Variants in ANKRD42 observed in about 807,000 individuals in gnomAD.
ANKRD42 encodes ankyrin repeat domain-containing protein 42.
In ANKRD42, 43 loss-of-function variants were observed where a neutral mutation model predicts 51.5. The ratio of observed to expected loss-of-function variants is 0.83; its 90% CI spans 0.65 to 1.08. The LOEUF (loss-of-function observed/expected upper bound fraction) is 1.08, where lower values mean the gene tolerates loss of function less well. Ranked by LOEUF, ANKRD42 falls within the 50% of genes least tolerant of loss-of-function variation. ANKRD42 has a pLI of 0.00. For synonymous variants in ANKRD42, 203 were observed against 213.0 expected (o/e 0.95, Z 0.41); for missense variants, 608 against 629.3 (o/e 0.97, Z 0.36).
chr11:83,221,676 A>G (rs1862721106), intron 5 of ANKRD42, among the ~76,000 whole-genome samples: 1 of 152,034 alleles, frequency 6.6e-6, no homozygotes, highest in Non-Finnish European at 1.5e-5. Flanking sequence ...GCTCATTCCA[A>G]ATTGGGGAGG....
At chr11:83,237,646 C>T (rs1863262271) in intron 8 of ANKRD42, among the ~76,000 whole-genome samples, 1 of 152,158 alleles carries the variant, frequency 6.6e-6, no homozygotes, top group Non-Finnish European at 1.5e-5. Flanking sequence ...TCTTTGATGA[C>T]TTGGAGTGTG....
intron 5 of ANKRD42, among the ~76,000 whole-genome samples, chr11:83,220,693 T>A (rs1395368873): frequency 6.6e-6 from 1 of 152,214 alleles, no homozygotes; most frequent in Non-Finnish European, 1.5e-5. Flanking sequence ...TTCAGCACTT[T>A]GAAAATGTCT....
chr11:83,211,162 A>G (rs1862299319), intron 4 of ANKRD42, 133 bp from the exon 5 acceptor site: 1 of 1,150,992 alleles, frequency 8.7e-7, no homozygotes, highest in Non-Finnish European at 1.3e-6. Flanking sequence ...GTTGCAGTAC[A>G]TTTTTCTATT....
intron 7 of ANKRD42, among the ~76,000 whole-genome samples, chr11:83,230,287 A>C (rs1015432026): frequency 3.9e-5 from 6 of 151,980 alleles, no homozygotes; most frequent in Non-Finnish European, 7.4e-5. Flanking sequence ...TCCTGACTCA[A>C]GTGATCCATC....
At chr11:83,201,299 T>C (rs1861863737) in intron 2 of ANKRD42, among the ~76,000 whole-genome samples, 1 of 152,232 alleles carries the variant, frequency 6.6e-6, no homozygotes, top group East Asian at 1.9e-4. Context: ...GGTTTCCAGC[T>C]TCATCCATGG....
chr11:83,206,591 C>T (rs1306799618), intron 3 of ANKRD42, among the ~76,000 whole-genome samples: 1 of 152,196 alleles, frequency 6.6e-6, no homozygotes, highest in African/African-American at 2.4e-5. Flanking sequence ...CAAGAGACCT[C>T]AGAGAGCTAG....
chr11:83,224,188 ATAAAT>A (rs1468367986), intron 5 of ANKRD42, among the ~76,000 whole-genome samples: 1 of 152,068 alleles, frequency 6.6e-6, no homozygotes, highest in African/African-American at 2.4e-5. Flanking sequence ...AATAAAAAGA[ATAAAT>A]TATTATAGAA....
chr11:83,238,423 C>T (rs1213016299), intron 8 of ANKRD42, among the ~76,000 whole-genome samples: 1 of 152,184 alleles, frequency 6.6e-6, no homozygotes, highest in East Asian at 1.9e-4. Flanking sequence ...GGGCTGGGTG[C>T]AGTGGCTCAC....
chr11:83,219,879 G>T (rs1316177618), intron 5 of ANKRD42, among the ~76,000 whole-genome samples: 2 of 152,218 alleles, frequency 1.3e-5, no homozygotes, highest in Non-Finnish European at 2.9e-5. Flanking sequence ...ATCAAATGGT[G>T]ACACTTGCCT....
chr11:83,212,177 A>T (rs1321817536), intron 5 of ANKRD42, among the ~76,000 whole-genome samples: 3 of 151,748 alleles, frequency 2.0e-5, no homozygotes, highest in African/African-American at 7.3e-5. Flanking sequence ...TCTGCCTTCC[A>T]GTTCAAGCGA....
At chr11:83,250,141 A>T (rs1021244962), downstream of ANKRD42, among the ~76,000 whole-genome samples, 10 of 152,186 alleles carry the variant, frequency 6.6e-5, no homozygotes, top group African/African-American at 2.2e-4. Context: ...AGGATTATAA[A>T]TACGGAATCC....
chr11:83,205,422 G>T (rs1442648670), intron 2 of ANKRD42, among the ~76,000 whole-genome samples: 1 of 152,090 alleles, frequency 6.6e-6, no homozygotes, highest in Non-Finnish European at 1.5e-5. Flanking sequence ...CCAATGATAT[G>T]ATCAATTCTT....
intron 3 of ANKRD42, among the ~76,000 whole-genome samples, chr11:83,208,251 T>C (rs763438432): frequency 7.7e-4 from 117 of 152,186 alleles, no homozygotes; most frequent in Non-Finnish European, 1.4e-3. Flanking sequence ...AGGCTGGTCT[T>C]GAACTCCTGG....
At chr11:83,250,794 G>A (rs1863660854), downstream of ANKRD42, among the ~76,000 whole-genome samples, 1 of 152,128 alleles carries the variant, frequency 6.6e-6, no homozygotes, top group South Asian at 2.1e-4. Flanking sequence ...GACTCTTAAT[G>A]ATTAGCCATG....
chr11:83,211,260 G>A, intron 4 of ANKRD42, 35 bp from the exon 5 acceptor site: 4 of 1,612,860 alleles, frequency 2.5e-6, no homozygotes, highest in Non-Finnish European at 3.4e-6. Flanking sequence ...CTACAAAATG[G>A]GGAGAAACTA....
Position 83,248,314 on chromosome 11 carries a change from C to A in ANKRD42, c.*110C>A, listed in dbSNP as rs1340540294. ...AAAGGAATACACACACACACACACA[C>A]ACACACACACACACACACACACTCT... On this transcript the variant is annotated 3_prime_UTR_variant, in exon 11 of 11. Coordinates refer to ENST00000533342, the MANE Select transcript of ANKRD42 (RefSeq NM_001300975.2). 3.5e-5 allele frequency: 49 copies of A among 1,415,742 alleles called. No individual in the cohort carries two copies. The highest frequency in any genetic ancestry group is 4.2e-5 in the Non-Finnish European group (46 of 1,091,142). 87.7% of individuals were successfully genotyped at this position (1,415,742 alleles called of 1,614,324 possible).
chr11:83,261,836 G>T, downstream of ANKRD42: 3 of 1,078,810 alleles, frequency 2.8e-6, no homozygotes, highest in South Asian at 4.3e-5. Flanking sequence ...TGCTGCAACT[G>T]ACAATGTTCA....
exon 12 of ANKRD42, chr11:83,256,029 CTGATA>C: frequency 1.2e-6 from 1 of 857,932 alleles, no homozygotes; most frequent in Non-Finnish European, 1.7e-6. Flanking sequence ...CAGAATTACT[CTGATA>C]TGCTTCTGTT....
At chr11:83,204,678 C>T (rs1862001294) in intron 2 of ANKRD42, among the ~76,000 whole-genome samples, 1 of 151,880 alleles carries the variant, frequency 6.6e-6, no homozygotes, top group Admixed American at 6.6e-5. Flanking sequence ...TACTTGGTAC[C>T]ATATGCAAAA....
Sources: allele counts gnomAD v4.1 joint callset (sites outside exome capture counted in the v4.1 genomes callset), GRCh38; gene constraint gnomAD v4.1.1; transcripts MANE v1.5; gene names NCBI Gene and HGNC (gene_info 2026-07-23, HGNC 2026-07-21).